The following XRCC4 variants were observed in gnomAD, a reference collection of about 807,000 sequenced individuals.
XRCC4 encodes X-ray repair cross complementing 4.
A neutral mutation model predicts 39.1 loss-of-function variants in XRCC4; 28 were observed. The observed-to-expected ratio is 0.72, with a 90% confidence interval of 0.53 to 0.98. XRCC4 has a LOEUF of 0.98. XRCC4 is among the 50% of genes least tolerant of loss of function. XRCC4 has a pLI of 0.00. For missense variants in XRCC4, 350 were observed against 376.4 expected (o/e 0.93, Z 0.58); for synonymous variants, 123 against 126.4 (o/e 0.97, Z 0.18).
At chr5:83,204,323 T>C (rs3822719) in intron 5 of XRCC4, among the ~76,000 whole-genome samples, 3 of 151,994 alleles carry the variant, frequency 2.0e-5, no homozygotes, top group East Asian at 1.9e-4. Flanking sequence ...TGACGTAGTA[T>C]AAAAAAATTT....
intron 7 of XRCC4, among the ~76,000 whole-genome samples, chr5:83,320,696 C>A (rs1336888483): frequency 6.6e-6 from 1 of 151,468 alleles, no homozygotes; most frequent in Non-Finnish European, 1.5e-5. Context: ...CAGCAGCCAT[C>A]AATATTGAGG....
chr5:83,128,511 A>G (rs1451001544), intron 3 of XRCC4, among the ~76,000 whole-genome samples: 1 of 152,136 alleles, frequency 6.6e-6, no homozygotes, highest in Non-Finnish European at 1.5e-5. Flanking sequence ...GCTGGGTCAA[A>G]TGGTATTTCT....
chr5:83,132,510 A>C (rs1202154320), intron 3 of XRCC4, among the ~76,000 whole-genome samples: 1 of 151,448 alleles, frequency 6.6e-6, no homozygotes, highest in African/African-American at 2.4e-5. Context: ...TGTCATTTTC[A>C]GGTACACCAA....
At chr5:83,095,388 A>G (rs1053427484) in intron 1 of XRCC4, among the ~76,000 whole-genome samples, 10 of 152,120 alleles carry the variant, frequency 6.6e-5, no homozygotes, top group Admixed American at 6.6e-4. Flanking sequence ...ATTGGGGTGG[A>G]TGGACCAATT....
At chr5:83,320,866 C>T (rs546021421) in intron 7 of XRCC4, among the ~76,000 whole-genome samples, 1 of 136,596 alleles carries the variant, frequency 7.3e-6, no homozygotes, top group Admixed American at 8.2e-5. Flanking sequence ...GGCTGTAATG[C>T]AGTGGCATGA....
At chr5:83,255,674 G>C (rs1337968466) in intron 6 of XRCC4, among the ~76,000 whole-genome samples, 2 of 152,046 alleles carry the variant, frequency 1.3e-5, no homozygotes, top group Admixed American at 6.6e-5. Flanking sequence ...ATATTTACTT[G>C]TAAGTAAGCA....
At chr5:83,185,436 AT>A (rs1750395663) in intron 3 of XRCC4, among the ~76,000 whole-genome samples, 1 of 150,066 alleles carries the variant, frequency 6.7e-6, no homozygotes, top group Non-Finnish European at 1.5e-5. Flanking sequence ...ATATATATAT[AT>A]ATAAAACTTA....
chr5:83,303,303 G>C (rs966191825), intron 7 of XRCC4, among the ~76,000 whole-genome samples: 1 of 151,600 alleles, frequency 6.6e-6, no homozygotes, highest in African/African-American at 2.4e-5. Context: ...TGTTGCCCTA[G>C]CTGTAAAATT....
At chr5:83,238,900 T>C (rs1291183004) in intron 6 of XRCC4, among the ~76,000 whole-genome samples, 4 of 152,214 alleles carry the variant, frequency 2.6e-5, no homozygotes, top group African/African-American at 9.6e-5. Flanking sequence ...AATAGTTAGC[T>C]GCTAGAAGAC....
At chr5:83,361,974 C>T in the XRCC4 span, among the ~76,000 whole-genome samples, 1 of 152,082 alleles carries the variant, frequency 6.6e-6, no homozygotes, top group Non-Finnish European at 1.5e-5. Context: ...TCTGCTTTCC[C>T]ACAATTCCTG....
intron 7 of XRCC4, among the ~76,000 whole-genome samples, chr5:83,291,814 C>T (rs1002490173): frequency 1.3e-5 from 2 of 151,810 alleles, no homozygotes; most frequent in Non-Finnish European, 2.9e-5. Flanking sequence ...GAGAAGACAA[C>T]TGGATTCTGA....
chr5:83,172,205 T>A (rs1000636421), intron 3 of XRCC4, among the ~76,000 whole-genome samples: 1 of 152,144 alleles, frequency 6.6e-6, no homozygotes, highest in Non-Finnish European at 1.5e-5. Flanking sequence ...TTCAGTCTTC[T>A]GAACTACACT....
chr5:83,089,720 GA>G (rs11360167), intron 1 of XRCC4, among the ~76,000 whole-genome samples: 9,931 of 151,058 alleles, frequency 0.066, 901 homozygotes, highest in African/African-American at 0.21. Flanking sequence ...ACATGTCTTA[GA>G]AAAAAAAATT....
chr5:83,079,241 T>A (rs2112266543), intron 1 of XRCC4, among the ~76,000 whole-genome samples: 1 of 152,370 alleles, frequency 6.6e-6, no homozygotes, highest in Middle Eastern at 3.4e-3. Context: ...TTTTAAGTTA[T>A]CTATAGAGAA....
At position 83,209,077 on chromosome 5, in the gene XRCC4, A is replaced by G. The variant is rs532871038; in HGVS notation, c.745+4156A>G. ...CTTAGTCTGGACTCCTCCTGCCTCC[A>G]AAGTGAGTGTGTGTGTGTGTGTGTG... On this transcript the variant is annotated intron_variant, in intron 6 of 7. Coordinates refer to ENST00000396027, the MANE Select transcript of XRCC4 (RefSeq NM_003401.5). Among the ~76,000 whole-genome samples, 66 of 123,624 alleles carry G rather than the reference A, an allele frequency of 5.3e-4. 1 individual carries two copies. The highest frequency in any genetic ancestry group is 5.2e-3 in the Admixed American group (60 of 11,484). 81.1% of individuals were successfully genotyped at this position (123,624 alleles called of 152,430 possible).
intron 6 of XRCC4, among the ~76,000 whole-genome samples, chr5:83,254,682 T>C (rs988621141): frequency 6.6e-6 from 1 of 152,162 alleles, no homozygotes; most frequent in Non-Finnish European, 1.5e-5. Context: ...CAGTCATTGT[T>C]CAAGGGAGCT....
chr5:83,277,127 G>T (rs1388523691), intron 7 of XRCC4, among the ~76,000 whole-genome samples: 1 of 152,170 alleles, frequency 6.6e-6, no homozygotes, highest in Non-Finnish European at 1.5e-5. Flanking sequence ...TGTAGATTCT[G>T]ATTTCATAGT....
At chr5:83,348,799 C>T (rs1756996009) in intron 7 of XRCC4, among the ~76,000 whole-genome samples, 1 of 152,200 alleles carries the variant, frequency 6.6e-6, no homozygotes, top group African/African-American at 2.4e-5. Context: ...ATTCTGCTTT[C>T]CTTTTAAATA....
At chr5:83,126,695 G>A (rs79633680) in intron 3 of XRCC4, among the ~76,000 whole-genome samples, 3,843 of 152,224 alleles carry the variant, frequency 0.025, 78 homozygotes, top group East Asian at 0.072. Flanking sequence ...TAAGAGCCAC[G>A]GTATGCAGTG....
Sources: gnomAD v4.1 joint callset for allele counts (sites outside exome capture counted in the v4.1 genomes callset) on GRCh38, gnomAD v4.1.1 for gene constraint, MANE v1.5 for transcripts, NCBI Gene and HGNC (gene_info 2026-07-23, HGNC 2026-07-21) for gene names.